Variants in ARL6IP6 observed in about 807,000 individuals in gnomAD.
ARL6IP6 encodes ADP-ribosylation factor-like protein 6-interacting protein 6.
Under a neutral mutation model 21.5 loss-of-function variants are expected in ARL6IP6, and 22 were observed. That is an observed-to-expected ratio of 1.02 (90% CI 0.73 to 1.46). The LOEUF is 1.46. Among genes scored for constraint, ARL6IP6 ranks in the 40% most tolerant of loss-of-function variants. The pLI is 0.00. For synonymous variants in ARL6IP6, 164 were observed against 125.3 expected (o/e 1.31, Z -2.06); for missense variants, 388 against 299.8 (o/e 1.29, Z -2.17).
rs992769903 is a variant in ARL6IP6, at chr2:152,760,402, G to A, written c.*562G>A. 4 of 151,548 alleles carry A rather than the reference G, an allele frequency of 2.6e-5. No individual in the cohort carries two copies. The East Asian group carries it at 5.8e-4, about 22-fold the overall frequency. 9.4% of individuals were successfully genotyped at this position (151,548 alleles called of 1,614,324 possible). On this transcript the variant is annotated 3_prime_UTR_variant, in exon 4 of 4. Coordinates refer to ENST00000326446, the MANE Select transcript of ARL6IP6 (RefSeq NM_152522.7). Reference sequence around the variant, plus strand: ...TTTTTTATGGGGCATAGTTCCTTATGTGTTTTTTTAATGTATTTTCATACT... The same window carrying A: ...TTTTTTATGGGGCATAGTTCCTTATATGTTTTTTTAATGTATTTTCATACT...
chr2:152,759,798 T>G lies in ARL6IP6; in HGVS notation c.639T>G (p.Asn213Lys), dbSNP rs144699421. ...TGGGCTATAGCATGGCGATTTTGAA[T>G]GGCATCGTAGCTGCTCTTACTGTAG... is the stretch of plus-strand genomic sequence containing the variant. The part of the protein sequence containing the change: ...FHMGYSMAIL[N>K]GIVAALTVAW... Residue 213 changes from asparagine (N) to lysine (K), a missense_variant, in exon 4 of 4, where the codon AAT (asparagine) becomes AAG (lysine). Physicochemically the swap from Asn to Lys is moderately conservative, Grantham distance 94. Coordinates refer to ENST00000326446, the MANE Select transcript of ARL6IP6 (RefSeq NM_152522.7). 6.2e-7 allele frequency: 1 copy of G among 1,613,650 alleles called. No individual in the cohort carries two copies. Among genetic ancestry groups the G allele is most frequent in the South Asian group, 1.1e-5 (1 of 91,060 alleles).
At chr2:152,736,861 G>C (rs1280565248) in intron 3 of ARL6IP6, among the ~76,000 whole-genome samples, 1 of 152,166 alleles carries the variant, frequency 6.6e-6, no homozygotes, top group Non-Finnish European at 1.5e-5. Context: ...GGGAGGATGT[G>C]CATACGTTAT....
At chr2:152,729,334 CTG>C (rs10604718) in intron 2 of ARL6IP6, among the ~76,000 whole-genome samples, 25,984 of 150,958 alleles carry the variant, frequency 0.17, 2,303 homozygotes, top group Middle Eastern at 0.27. Context: ...CAGACTTTGT[CTG>C]TGTGTGTGTG....
intron 2 of ARL6IP6, chr2:152,732,694 A>C (rs1021666299): frequency 3.5e-6 from 1 of 287,456 alleles, no homozygotes; most frequent in Non-Finnish European, 6.9e-6. Context: ...TCCATGAGGA[A>C]TTGGTTCCAG....
chr2:152,718,362 C>T (rs951749093), upstream of ARL6IP6: 10 of 404,468 alleles, frequency 2.5e-5, no homozygotes, highest in African/African-American at 1.4e-4. Flanking sequence ...AGCCTTCGGC[C>T]TCCGCTCGCT....
At chr2:152,732,810 C>G (rs1245290084) in intron 2 of ARL6IP6, among the ~76,000 whole-genome samples, 6 of 151,954 alleles carry the variant, frequency 3.9e-5, no homozygotes, top group African/African-American at 1.5e-4. Flanking sequence ...TCTCTAATAC[C>G]TAATATAATG....
In ARL6IP6 at chr2:152,762,370, T is replaced by TA. The variant is rs1213939098; in HGVS notation, c.*2530_*2531insA. ...CATTCTTGATACGTGAGTCAATAAATTTCTGTCTTTTGGCCTTTGCAGTTT... is the reference window on the plus strand; with the variant it reads ...CATTCTTGATACGTGAGTCAATAAATATTCTGTCTTTTGGCCTTTGCAGTTT... On this transcript the variant is annotated 3_prime_UTR_variant, in exon 4 of 4. Transcript: ENST00000326446. Among the ~76,000 whole-genome samples the TA allele has an allele frequency of 6.6e-6, 1 of 152,202 alleles. No individual in the cohort carries two copies. The highest frequency in any genetic ancestry group is 1.5e-5 in the Non-Finnish European group (1 of 68,040).
upstream of ARL6IP6, chr2:152,718,278 C>G (rs529032103): frequency 1.1e-5 from 3 of 275,080 alleles, no homozygotes; most frequent in South Asian, 3.9e-4. Flanking sequence ...TCGGGGCGCG[C>G]GCTCCCGTTG....
At chr2:152,756,026 C>T (rs906168908) in intron 3 of ARL6IP6, among the ~76,000 whole-genome samples, 2 of 152,240 alleles carry the variant, frequency 1.3e-5, no homozygotes, top group Non-Finnish European at 2.9e-5. Context: ...ATATTTACCT[C>T]CATTTTATGG....
At chr2:152,756,825 G>A (rs1388137689) in intron 3 of ARL6IP6, among the ~76,000 whole-genome samples, 1 of 152,084 alleles carries the variant, frequency 6.6e-6, no homozygotes, top group African/African-American at 2.4e-5. Context: ...GTTGATAGTG[G>A]AAGTGTAAAT....
chr2:152,726,827 T>C (rs1297485458), intron 2 of ARL6IP6, among the ~76,000 whole-genome samples: 2 of 152,214 alleles, frequency 1.3e-5, no homozygotes, highest in Non-Finnish European at 2.9e-5. Flanking sequence ...AACTTGGTAG[T>C]ACAATATATT....
chr2:152,718,484 G>T (rs1014513313), upstream of ARL6IP6: 12 of 1,238,436 alleles, frequency 9.7e-6, no homozygotes, highest in South Asian at 2.0e-5. Flanking sequence ...GCAACCCGCC[G>T]CCCACCCTTG....
intron 3 of ARL6IP6, among the ~76,000 whole-genome samples, chr2:152,755,309 C>T (rs529403082): frequency 6.6e-6 from 1 of 152,236 alleles, no homozygotes; most frequent in East Asian, 1.9e-4. Flanking sequence ...GGGAGTTTCC[C>T]TTTCCCCGGG....
chr2:152,758,764 A>T (rs1042690727), intron 3 of ARL6IP6, among the ~76,000 whole-genome samples: 1 of 152,130 alleles, frequency 6.6e-6, no homozygotes, highest in South Asian at 2.1e-4. Flanking sequence ...GTGCGACTGG[A>T]ATCACTATGA....
chr2:152,729,488 A>G (rs1042313874), intron 2 of ARL6IP6, among the ~76,000 whole-genome samples: 4 of 152,204 alleles, frequency 2.6e-5, no homozygotes, highest in Admixed American at 6.5e-5. Flanking sequence ...GAAATTTGTA[A>G]CATCTATGTC....
At chr2:152,720,222 C>A (rs1699716497) in intron 1 of ARL6IP6, 1 of 388,834 alleles carries the variant, frequency 2.6e-6, no homozygotes, top group Non-Finnish European at 4.8e-6. Context: ...AGACATTGAA[C>A]TGTGCTTATT....
intron 2 of ARL6IP6, among the ~76,000 whole-genome samples, chr2:152,725,731 G>A (rs1302790373): frequency 6.6e-6 from 1 of 152,080 alleles, no homozygotes; most frequent in Non-Finnish European, 1.5e-5. Flanking sequence ...TTACAAGATG[G>A]ATATGTTGTA....
Position 152,719,041 on chromosome 2 carries a change from C to T in ARL6IP6, c.400+17C>T, listed in dbSNP as rs746539767. 4 of 1,518,036 alleles carry T rather than the reference C, an allele frequency of 2.6e-6. No individual in the cohort carries two copies. In the Admixed American group the frequency reaches 6.1e-5, roughly 23 times the overall value. 94.0% of individuals were successfully genotyped at this position (1,518,036 alleles called of 1,614,324 possible). A position where few individuals can be genotyped will look rare whatever the true frequency, so the allele number is the denominator to read the frequency against. On this transcript the variant is annotated intron_variant, in intron 1 of 3. Transcript: ENST00000326446. ...TCGTTAAAGGTATTGAAGCCGACGC[C>T]TTGAAAGTCTGTCCAGAGTAAAGTT...
chr2:152,743,876 T>C (rs1658878460), intron 3 of ARL6IP6, among the ~76,000 whole-genome samples: 1 of 152,206 alleles, frequency 6.6e-6, no homozygotes, highest in Non-Finnish European at 1.5e-5. Context: ...GAAACTGATT[T>C]TAAATAATTT....
Sources: allele counts gnomAD v4.1 joint callset (sites outside exome capture counted in the v4.1 genomes callset), GRCh38; gene constraint gnomAD v4.1.1; transcripts MANE v1.5; gene names NCBI Gene and HGNC (gene_info 2026-07-23, HGNC 2026-07-21).